Variants in THEMIS observed in about 807,000 individuals in gnomAD.
THEMIS encodes thymocyte selection associated, also known as protein THEMIS.
A neutral mutation model predicts 52.6 loss-of-function variants in THEMIS; 37 were observed. The ratio of observed to expected loss-of-function variants is 0.70; its 90% CI spans 0.54 to 0.93. The LOEUF (loss-of-function observed/expected upper bound fraction) is 0.93. Ranked by LOEUF, THEMIS falls within the 40% of genes least tolerant of loss-of-function variation. THEMIS has a pLI of 0.00. For missense variants in THEMIS, 808 were observed against 763.1 expected (o/e 1.06, Z -0.69); for synonymous variants, 292 against 272.7 (o/e 1.07, Z -0.70).
At chr6:127,742,484 T>G (rs1280546165) in intron 4 of THEMIS, among the ~76,000 whole-genome samples, 6 of 152,116 alleles carry the variant, frequency 3.9e-5, no homozygotes, top group Admixed American at 1.3e-4. Flanking sequence ...CACAGTAGTA[T>G]TATTCACAAC....
intron 5 of THEMIS, among the ~76,000 whole-genome samples, chr6:127,712,313 C>T (rs546485973): frequency 5.3e-5 from 8 of 152,052 alleles, no homozygotes; most frequent in African/African-American, 1.2e-4. Flanking sequence ...CTAACCCAAT[C>T]TTCACCCAGT....
At chr6:127,905,504 C>G (rs1182577689), upstream of THEMIS, among the ~76,000 whole-genome samples, 2 of 152,020 alleles carry the variant, frequency 1.3e-5, no homozygotes, top group Non-Finnish European at 2.9e-5. Flanking sequence ...AAAGGGTGTT[C>G]TGCAGGCGAA....
At chr6:127,773,571 T>C (rs1389069888) in intron 4 of THEMIS, among the ~76,000 whole-genome samples, 4 of 152,184 alleles carry the variant, frequency 2.6e-5, no homozygotes, top group African/African-American at 7.2e-5. Flanking sequence ...AAAAAGATTG[T>C]GGATATTTTC....
intron 2 of THEMIS, among the ~76,000 whole-genome samples, chr6:127,835,111 G>A (rs972947113): frequency 6.6e-6 from 1 of 151,920 alleles, no homozygotes; most frequent in Non-Finnish European, 1.5e-5. Flanking sequence ...GACACATAGA[G>A]GTATCAGGGC....
At position 127,829,944 on chromosome 6, in the gene THEMIS, G is replaced by A; in HGVS notation, c.251-10C>T. ...ACAATCTTAAAAAGACCTAAGAACA[G>A]AATTACGTGAATTAAAAAGAGAGTT... On this transcript the variant is annotated splice_polypyrimidine_tract_variant and intron_variant, in intron 2 of 5. Coordinates refer to ENST00000368248, the MANE Select transcript of THEMIS (RefSeq NM_001010923.3). 1.9e-6 allele frequency: 3 copies of A among 1,563,636 alleles called. No individual in the cohort carries two copies. The highest frequency in any genetic ancestry group is 2.6e-6 in the Non-Finnish European group (3 of 1,152,316).
chr6:127,784,897 T>A (rs758578759), intron 4 of THEMIS, among the ~76,000 whole-genome samples: 2 of 152,142 alleles, frequency 1.3e-5, no homozygotes, highest in Non-Finnish European at 2.9e-5. Context: ...TTTCATAAGG[T>A]TTATCTATAC....
chr6:127,915,431 T>G (rs962962844), intron 1 of THEMIS, among the ~76,000 whole-genome samples: 2 of 152,170 alleles, frequency 1.3e-5, no homozygotes, highest in African/African-American at 4.8e-5. Flanking sequence ...TTAGGAACAT[T>G]CACAGATTTC....
chr6:127,731,616 G>A (rs1361626610), intron 4 of THEMIS, among the ~76,000 whole-genome samples: 2 of 146,028 alleles, frequency 1.4e-5, no homozygotes, highest in Non-Finnish European at 3.0e-5. Flanking sequence ...ATTTGTCACC[G>A]TATTGTTCAT....
chr6:127,900,171 T>A (rs998824000), intron 1 of THEMIS, among the ~76,000 whole-genome samples: 10 of 151,836 alleles, frequency 6.6e-5, no homozygotes, highest in African/African-American at 2.4e-4. Flanking sequence ...AGATTCTAGG[T>A]TGTATATTGG....
intron 4 of THEMIS, among the ~76,000 whole-genome samples, chr6:127,727,443 A>C (rs1342423392): frequency 6.6e-6 from 1 of 152,196 alleles, no homozygotes. Flanking sequence ...AGTGTCCAGC[A>C]GGGCGACAGT....
chr6:127,746,944 ATATAATTATATATAGATATC>A (rs1322323354), intron 4 of THEMIS, among the ~76,000 whole-genome samples: 7 of 83,534 alleles, frequency 8.4e-5, no homozygotes, highest in Non-Finnish European at 2.0e-5. Context: ...ATTATATTAT[ATATAATTATATATAGATATC>A]TATAATTATA....
intron 4 of THEMIS, among the ~76,000 whole-genome samples, chr6:127,726,015 G>A (rs1447727505): frequency 6.6e-6 from 1 of 151,970 alleles, no homozygotes. Context: ...CTCCTCCCTG[G>A]ACCATTCACA....
rs200672377 is a variant in THEMIS, at chr6:127,906,953, C to CAA, written c.-149-5874_-149-5873dup. ...GTAGAACTGTCTGAATGTTAAAAAA[C>CAA]AAAAAAAAAAATTCACAAGCAGAGA... On this transcript the variant is annotated intron_variant, in intron 1 of 6. Transcript: ENST00000368250. 0.033 allele frequency among the ~76,000 whole-genome samples: 4,583 copies of CAA among 140,740 alleles called. 498 individuals carry two copies. In the East Asian group the frequency reaches 0.36, roughly 11 times the overall value. 92.3% of individuals were successfully genotyped at this position (140,740 alleles called of 152,430 possible). A position where few individuals can be genotyped will look rare whatever the true frequency, so the allele number is the denominator to read the frequency against.
chr6:127,888,252 T>C (rs1780703196), intron 1 of THEMIS, among the ~76,000 whole-genome samples: 1 of 152,064 alleles, frequency 6.6e-6, no homozygotes, highest in African/African-American at 2.4e-5. Flanking sequence ...CCATATAAGA[T>C]TTTTATTTTG....
chr6:127,915,638 C>G (rs1004206666), intron 1 of THEMIS, among the ~76,000 whole-genome samples: 1 of 150,524 alleles, frequency 6.6e-6, no homozygotes, highest in East Asian at 1.9e-4. Context: ...TACACATAAA[C>G]CTTTAATACC....
intron 4 of THEMIS, among the ~76,000 whole-genome samples, chr6:127,786,969 G>A (rs1395339662): frequency 6.6e-6 from 1 of 151,966 alleles, no homozygotes; most frequent in Non-Finnish European, 1.5e-5. Flanking sequence ...GGGGACACTG[G>A]GTTTGGAGCT....
chr6:127,777,044 T>C (rs1257784539), intron 4 of THEMIS, among the ~76,000 whole-genome samples: 7 of 152,084 alleles, frequency 4.6e-5, no homozygotes, highest in African/African-American at 1.4e-4. Flanking sequence ...TCTGCATTTT[T>C]ATATTTACAA....
At chr6:127,896,240 A>G (rs1156831839) in intron 1 of THEMIS, among the ~76,000 whole-genome samples, 1 of 151,422 alleles carries the variant, frequency 6.6e-6, no homozygotes, top group Non-Finnish European at 1.5e-5. Context: ...TTTTTTTATC[A>G]TTACCTCTAT....
intron 1 of THEMIS, among the ~76,000 whole-genome samples, chr6:127,864,135 A>T (rs1468058760): frequency 6.6e-6 from 1 of 152,172 alleles, no homozygotes; most frequent in Non-Finnish European, 1.5e-5. Context: ...ATAATTGTCA[A>T]AATCTTTTCA....
Sources: allele counts gnomAD v4.1 joint callset (sites outside exome capture counted in the v4.1 genomes callset), GRCh38; gene constraint gnomAD v4.1.1; transcripts MANE v1.5; gene names NCBI Gene and HGNC (gene_info 2026-07-23, HGNC 2026-07-21).